Variants in MAML3 observed in about 807,000 individuals in gnomAD.
MAML3 encodes the protein mastermind-like protein 3.
In MAML3, 27 loss-of-function variants were observed where a neutral mutation model predicts 101.9. The observed-to-expected ratio is 0.27, with a 90% confidence interval of 0.20 to 0.37. MAML3 has a LOEUF of 0.37. Ranked by LOEUF, MAML3 falls within the 10% of genes least tolerant of loss-of-function variation. The probability of loss-of-function intolerance (pLI) is 1.00; values close to 1 mark genes in which losing one functional copy is unlikely to be tolerated. For synonymous variants in MAML3, 501 were observed against 555.9 expected, an observed-to-expected ratio of 0.90 and a Z score of 1.39; for missense variants, 1,316 against 1,444.9, an observed-to-expected ratio of 0.91 and a Z score of 1.45.
At chr4:139,904,236 C>T (rs1732775999) in intron 1 of MAML3, among the ~76,000 whole-genome samples, 1 of 152,162 alleles carries the variant, frequency 6.6e-6, no homozygotes, top group African/African-American at 2.4e-5. Flanking sequence ...GTGTGTGGTA[C>T]TGGCAACTCT....
At chr4:139,954,957 G>T (rs1325388697) in intron 1 of MAML3, among the ~76,000 whole-genome samples, 12 of 152,066 alleles carry the variant, frequency 7.9e-5, no homozygotes, top group Non-Finnish European at 1.8e-4. Flanking sequence ...AAGCGATAAT[G>T]ATAATAATAA....
rs530260693 is a variant in MAML3 at position 139,875,791 on chromosome 4, G to A, written c.2079+13566C>T. 5.9e-5 allele frequency among the ~76,000 whole-genome samples: 9 copies of A among 152,162 alleles called. No individual in the cohort carries two copies. In the South Asian group the frequency reaches 1.0e-3, roughly 18 times the overall value. The stretch of plus-strand genomic sequence containing the variant: ...ATTCTAACAGCATGGGCACAAAGCC[G>A]GCTGGGTTGGCTTATCCAGAGCCTG... On this transcript the variant is annotated intron_variant, in intron 2 of 4. Coordinates refer to ENST00000509479, the MANE Select transcript of MAML3 (RefSeq NM_018717.5).
intron 1 of MAML3, among the ~76,000 whole-genome samples, chr4:139,917,335 T>G (rs1262406900): frequency 6.6e-6 from 1 of 152,174 alleles, no homozygotes; most frequent in Non-Finnish European, 1.5e-5. Flanking sequence ...CAGGGAGACA[T>G]AGTTATGCTC....
At chr4:139,795,458 T>A (rs1730496604) in intron 2 of MAML3, among the ~76,000 whole-genome samples, 3 of 152,240 alleles carry the variant, frequency 2.0e-5, no homozygotes, top group Non-Finnish European at 4.4e-5. Context: ...GAAATTAGAA[T>A]GGTTTAATAT....
chr4:139,756,080 G>GA (rs779853422), intron 2 of MAML3, among the ~76,000 whole-genome samples: 3 of 151,924 alleles, frequency 2.0e-5, no homozygotes, highest in African/African-American at 2.4e-5. Context: ...CATAGTAGAA[G>GA]AAAAAAAAGC....
intron 1 of MAML3, among the ~76,000 whole-genome samples, chr4:140,087,024 G>C (rs1426699807): frequency 6.6e-6 from 1 of 152,198 alleles, no homozygotes; most frequent in Non-Finnish European, 1.5e-5. Flanking sequence ...GCCGGGCATA[G>C]TGGTGCGTGC....
chr4:139,860,679 C>T (rs974110337), intron 2 of MAML3, among the ~76,000 whole-genome samples: 5 of 152,160 alleles, frequency 3.3e-5, no homozygotes, highest in African/African-American at 1.2e-4. Flanking sequence ...GCACACAATA[C>T]GCATGCAAGG....
chr4:139,943,509 T>A (rs937780972), intron 1 of MAML3, among the ~76,000 whole-genome samples: 2 of 151,946 alleles, frequency 1.3e-5, no homozygotes, highest in African/African-American at 2.4e-5. Context: ...ACACATGAGG[T>A]TGGTTTAGGC....
At chr4:139,742,941 T>G (rs1434054101) in intron 2 of MAML3, among the ~76,000 whole-genome samples, 1 of 152,210 alleles carries the variant, frequency 6.6e-6, no homozygotes, top group Non-Finnish European at 1.5e-5. Context: ...ACATCTGGGA[T>G]GTAGCACCAG....
intron 1 of MAML3, among the ~76,000 whole-genome samples, chr4:139,941,363 A>G (rs1733592189): frequency 2.0e-5 from 3 of 152,220 alleles, no homozygotes; most frequent in Admixed American, 2.0e-4. Context: ...GTATCAATGT[A>G]AGTTTCTGAA....
rs185660629 is a variant in MAML3 at position 139,925,378 on chromosome 4, C to T, written c.469-34411G>A. Among the ~76,000 whole-genome samples, 361 of 152,196 alleles carry T rather than the reference C, an allele frequency of 2.4e-3. 2 individuals are homozygous for T. Among genetic ancestry groups the T allele is most frequent in the African/African-American group, 8.1e-3 (337 of 41,512 alleles). ...CTGAGTAGCTGAGATTACAGGCGCC[C>T]GCTACCACACCCAGCTAATTTTTGT... On this transcript the variant is annotated intron_variant, in intron 1 of 4. Transcript: ENST00000509479.
chr4:140,145,291 A>G (rs1729040285), intron 1 of MAML3, among the ~76,000 whole-genome samples: 1 of 152,238 alleles, frequency 6.6e-6, no homozygotes, highest in Non-Finnish European at 1.5e-5. Flanking sequence ...ATTCTACTCA[A>G]CAGGATGGCA....
At chr4:140,106,805 AAATCCTGAGATT>A (rs1199828370) in intron 1 of MAML3, among the ~76,000 whole-genome samples, 2 of 152,248 alleles carry the variant, frequency 1.3e-5, no homozygotes, top group Non-Finnish European at 2.9e-5. Flanking sequence ...AGGCTTAGCA[AAATCCTGAGATT>A]AATTCTGGAG....
chr4:139,910,253 T>C (rs905262681), intron 1 of MAML3, among the ~76,000 whole-genome samples: 2 of 152,228 alleles, frequency 1.3e-5, no homozygotes, highest in Admixed American at 1.3e-4. Context: ...CCAGGCTTTC[T>C]GAATCAGAAA....
chr4:140,035,218 C>A (rs1578652716), intron 1 of MAML3, among the ~76,000 whole-genome samples: 1 of 152,122 alleles, frequency 6.6e-6, no homozygotes, highest in South Asian at 2.1e-4. Context: ...AAGTGACACA[C>A]CTGCCTCAGT....
intron 1 of MAML3, among the ~76,000 whole-genome samples, chr4:140,022,652 G>T (rs1403142391): frequency 6.6e-6 from 1 of 152,096 alleles, no homozygotes; most frequent in Admixed American, 6.6e-5. Flanking sequence ...AGAAGCAATG[G>T]GACAGGAGGC....
intron 1 of MAML3, among the ~76,000 whole-genome samples, chr4:139,894,669 A>G (rs1732574647): frequency 6.6e-6 from 1 of 152,204 alleles, no homozygotes; most frequent in African/African-American, 2.4e-5. Flanking sequence ...GTCATTTGAT[A>G]GAGACCCTCG....
chr4:139,938,514 T>G (rs1733546817), intron 1 of MAML3, among the ~76,000 whole-genome samples: 1 of 152,158 alleles, frequency 6.6e-6, no homozygotes, highest in Admixed American at 6.5e-5. Flanking sequence ...CTAATACCCA[T>G]ACGATGTCAG....
At chr4:139,855,883 C>T (rs1731652520) in intron 2 of MAML3, among the ~76,000 whole-genome samples, 1 of 152,156 alleles carries the variant, frequency 6.6e-6, no homozygotes, top group African/African-American at 2.4e-5. Flanking sequence ...ATAAAAATTC[C>T]GTATAAAAAT....
Sources: gnomAD v4.1 joint callset for allele counts (sites outside exome capture counted in the v4.1 genomes callset) on GRCh38, gnomAD v4.1.1 for gene constraint, MANE v1.5 for transcripts, NCBI Gene and HGNC (gene_info 2026-07-23, HGNC 2026-07-21) for gene names.